Variants in GSK3B observed in about 807,000 individuals in gnomAD.
GSK3B encodes glycogen synthase kinase-3 beta.
In GSK3B, 15 loss-of-function variants were observed where a neutral mutation model predicts 56.4. That is an observed-to-expected ratio of 0.27 (90% CI 0.18 to 0.41). The LOEUF is 0.41. Ranked by LOEUF, GSK3B falls within the 10% of genes least tolerant of loss-of-function variation. GSK3B has a pLI of 1.00. For missense variants in GSK3B, 300 were observed against 513.4 expected (o/e 0.58, Z 4.02); for synonymous variants, 181 against 188.9 (o/e 0.96, Z 0.34).
intron 1 of GSK3B, among the ~76,000 whole-genome samples, chr3:120,013,321 A>G (rs904719590): frequency 2.0e-5 from 3 of 152,208 alleles, no homozygotes; most frequent in African/African-American, 7.2e-5. Flanking sequence ...TCATTTAACA[A>G]AGGCATTTAA....
intron 2 of GSK3B, among the ~76,000 whole-genome samples, chr3:119,993,608 C>T (rs183750179): frequency 3.7e-4 from 57 of 152,260 alleles, no homozygotes; most frequent in African/African-American, 1.3e-3. Flanking sequence ...CTTGTAAATT[C>T]TAGGATTGAG....
At chr3:119,971,458 G>C (rs2057365236) in intron 2 of GSK3B, among the ~76,000 whole-genome samples, 1 of 152,022 alleles carries the variant, frequency 6.6e-6, no homozygotes, top group Non-Finnish European at 1.5e-5. Context: ...TTTTAGGGCA[G>C]AATTAGTAAA....
At chr3:120,027,441 T>C (rs2057937948) in intron 1 of GSK3B, among the ~76,000 whole-genome samples, 1 of 151,298 alleles carries the variant, frequency 6.6e-6, no homozygotes, top group Non-Finnish European at 1.5e-5. Flanking sequence ...AGTACTTCCC[T>C]TTCTAGGAAT....
chr3:120,005,601 A>G (rs1394176096), intron 1 of GSK3B, among the ~76,000 whole-genome samples: 1 of 152,264 alleles, frequency 6.6e-6, no homozygotes, highest in African/African-American at 2.4e-5. Context: ...ACAAGCCAGA[A>G]GAGAGTAGGG....
chr3:119,936,165 G>A (rs1319447277), intron 3 of GSK3B, among the ~76,000 whole-genome samples: 1 of 151,572 alleles, frequency 6.6e-6, no homozygotes, highest in Non-Finnish European at 1.5e-5. Context: ...CTAAAATCAG[G>A]AGCAAGAACA....
intron 2 of GSK3B, among the ~76,000 whole-genome samples, chr3:119,989,645 CAAA>C (rs766816915): frequency 1.8e-5 from 2 of 110,694 alleles, no homozygotes; most frequent in Non-Finnish European, 3.9e-5. Flanking sequence ...AGTCTGACTC[CAAA>C]AAAAAAAAAA....
rs1443551792 is a variant in GSK3B, at chr3:120,093,597, T to TA, written c.-164dup. On this transcript the variant is annotated 5_prime_UTR_variant, in exon 1 of 11. Transcript: ENST00000264235. ...GGCTTTTCACTCCTTTTGTATACTA[T>TA]AAAAAACAAAACAAGCGATATATTT... 4 of 545,308 alleles carry TA rather than the reference T, an allele frequency of 7.3e-6. No homozygotes were observed. The highest frequency in any genetic ancestry group is 6.0e-5 in the Admixed American group (2 of 33,268). The allele number at this position is 545,308 out of a possible 1,614,324, so 33.8% of individuals were successfully genotyped here. A position where few individuals can be genotyped will look rare whatever the true frequency, so the allele number is the denominator to read the frequency against.
rs1576213749 is a variant in GSK3B, at chr3:119,937,319, T to C, written c.366+9949A>G. ...CTTCCTCTTGGTAATGAATGTGTTC[T>C]CATTCTATGAGTTCCCTCCCACTAC... On this transcript the variant is annotated intron_variant, in intron 3 of 10. Transcript: ENST00000264235. 2.0e-5 allele frequency among the ~76,000 whole-genome samples: 3 copies of C among 152,216 alleles called. No individual in the cohort carries two copies. In the South Asian group the frequency reaches 6.2e-4, roughly 32 times the overall value.
Position 119,826,754 on chromosome 3 carries a change from G to A in GSK3B, c.*34C>T. On this transcript the variant is annotated 3_prime_UTR_variant, in exon 11 of 11. Coordinates refer to ENST00000264235, the MANE Select transcript of GSK3B (RefSeq NM_001146156.2). ...GCTGAGTGACACTCAAGTAACTGGTGGTTTTTCCTGTGCAGCTGGCTGCTC... is the reference window on the plus strand; with the variant it reads ...GCTGAGTGACACTCAAGTAACTGGTAGTTTTTCCTGTGCAGCTGGCTGCTC... 1 of 1,430,076 alleles carries A rather than the reference G, an allele frequency of 7.0e-7. No homozygotes were observed. Among genetic ancestry groups the A allele is most frequent in the Non-Finnish European group, 9.9e-7 (1 of 1,011,600 alleles). The allele number at this position is 1,430,076 out of a possible 1,614,324, so 88.6% of individuals were successfully genotyped here.
intron 1 of GSK3B, among the ~76,000 whole-genome samples, chr3:120,051,127 CT>C (rs72305100): frequency 0.49 from 68,509 of 138,508 alleles, 17,506 homozygotes; most frequent in African/African-American, 0.71. Context: ...CTATCAATTT[CT>C]TTTTTTTTTT....
intron 3 of GSK3B, among the ~76,000 whole-genome samples, chr3:119,931,806 T>G (rs1234383812): frequency 6.6e-6 from 1 of 152,192 alleles, no homozygotes; most frequent in Non-Finnish European, 1.5e-5. Context: ...GAATCTGCTA[T>G]TATACAAAGT....
At chr3:119,981,383 C>A (rs557384931) in intron 2 of GSK3B, among the ~76,000 whole-genome samples, 1 of 152,222 alleles carries the variant, frequency 6.6e-6, no homozygotes, top group Admixed American at 6.5e-5. Flanking sequence ...CAAGCTGAAG[C>A]AGGGTGGGGC....
intron 10 of GSK3B, among the ~76,000 whole-genome samples, chr3:119,837,304 G>A (rs1422585912): frequency 2.7e-5 from 4 of 149,332 alleles, no homozygotes; most frequent in Admixed American, 6.8e-5. Context: ...ATAGGCACCC[G>A]CTACTACGCC....
At chr3:120,007,632 T>C (rs551406949) in intron 1 of GSK3B, among the ~76,000 whole-genome samples, 1 of 152,322 alleles carries the variant, frequency 6.6e-6, no homozygotes, top group Admixed American at 6.5e-5. Context: ...TCAATAAATG[T>C]AATCCATCAC....
At chr3:120,029,325 G>T in intron 1 of GSK3B, 1 of 742,676 alleles carries the variant, frequency 1.3e-6, no homozygotes, top group Non-Finnish European at 2.5e-6. Flanking sequence ...CAGATATTTC[G>T]CATCTAATCC....
At chr3:120,092,222 T>C (rs1043363090) in intron 1 of GSK3B, among the ~76,000 whole-genome samples, 1 of 152,150 alleles carries the variant, frequency 6.6e-6, no homozygotes, top group African/African-American at 2.4e-5. Flanking sequence ...TAGTATATAT[T>C]AAACACTTCA....
intron 2 of GSK3B, among the ~76,000 whole-genome samples, chr3:119,980,928 A>G (rs540748578): frequency 6.6e-6 from 1 of 152,356 alleles, no homozygotes; most frequent in Admixed American, 6.5e-5. Flanking sequence ...AAGTTGAGGC[A>G]TGTCAAGGAT....
intron 3 of GSK3B, among the ~76,000 whole-genome samples, chr3:119,923,737 A>G (rs952582801): frequency 3.3e-5 from 5 of 152,204 alleles, no homozygotes; most frequent in Non-Finnish European, 5.9e-5. Context: ...TTACATTTAA[A>G]CGATTATTTT....
intron 1 of GSK3B, among the ~76,000 whole-genome samples, chr3:120,017,627 T>C (rs945449170): frequency 6.6e-6 from 1 of 152,040 alleles, no homozygotes; most frequent in Non-Finnish European, 1.5e-5. Context: ...CAAAAATTGC[T>C]GTTGAATTAA....
Sources: gnomAD v4.1 joint callset for allele counts (sites outside exome capture counted in the v4.1 genomes callset) on GRCh38, gnomAD v4.1.1 for gene constraint, MANE v1.5 for transcripts, NCBI Gene and HGNC (gene_info 2026-07-23, HGNC 2026-07-21) for gene names.